The following PGAP6 variants were observed in gnomAD, a reference collection of about 807,000 sequenced individuals.
PGAP6 encodes the protein post-GPI attachment to proteins 6.
A neutral mutation model predicts 68.4 loss-of-function variants in PGAP6; 62 were observed. The ratio of observed to expected loss-of-function variants is 0.91; its 90% confidence interval spans 0.74 to 1.12. PGAP6 has a LOEUF of 1.12. Among genes scored for constraint, PGAP6 ranks in the 50% most tolerant of loss-of-function variants. PGAP6 has a pLI of 0.00. For missense variants in PGAP6, 1,188 were observed against 1,068.5 expected (o/e 1.11, Z -1.56); for synonymous variants, 575 against 474.0 (o/e 1.21, Z -2.77).
In PGAP6 at chr16:376,413, C is replaced by T; in HGVS notation, c.947G>A (p.Ser316Asn). Residue 316 changes from serine (S) to asparagine (N), a missense_variant, in exon 6 of 13, where the codon AGC (serine) becomes AAC (asparagine). By Grantham distance (46) the Ser-to-Asn change is conservative. Transcript: ENST00000431232. ...GGCATTGAAGCTCTGGTTTTGGCTGCTCTGCAGAAGGGGCTGGATGGTCAC... is the reference window on the plus strand; with the variant it reads ...GGCATTGAAGCTCTGGTTTTGGCTGTTCTGCAGAAGGGGCTGGATGGTCAC... ...RSVTIQPLLQ[S>N]SQNQSFNASS... 6.3e-7 allele frequency: 1 copy of T among 1,597,278 alleles called. No homozygotes were observed.
At chr16:380,515 C>G (rs1254716845) in intron 1 of PGAP6, among the ~76,000 whole-genome samples, 1 of 152,030 alleles carries the variant, frequency 6.6e-6, no homozygotes, top group African/African-American at 2.4e-5. Context: ...TACAGGCATG[C>G]GCCACCACTG....
intron 1 of PGAP6, among the ~76,000 whole-genome samples, chr16:381,131 GA>G (rs1471303919): frequency 6.6e-6 from 1 of 152,238 alleles, no homozygotes; most frequent in Non-Finnish European, 1.5e-5. Flanking sequence ...CAAGAGGGGA[GA>G]GGGGCGCCCT....
At position 376,260 on chromosome 16, in the gene PGAP6, T is replaced by A; in HGVS notation, c.1100A>T (p.His367Leu). 6.2e-7 allele frequency: 1 copy of A among 1,612,446 alleles called. No individual in the cohort carries two copies. Among genetic ancestry groups the A allele is most frequent in the South Asian group, 1.1e-5 (1 of 91,050 alleles). ...TREDMDVVSVHFQPLDRVSVR... is the reference protein window; with the variant it reads ...TREDMDVVSVLFQPLDRVSVR... ...CGAGACCCTGTCCAGGGGCTGGAAG[T>A]GCACCGACACCACGTCCATGTCCTC... is the stretch of plus-strand genomic sequence containing the variant. The change falls in exon 6 of 13, where the codon CAC becomes CTC. Residue 367 changes from histidine to leucine, a missense_variant. Transcript: ENST00000431232.
chr16:381,843 C>T lies in PGAP6; in HGVS notation c.-22G>A, dbSNP rs1373435786. On this transcript the variant is annotated 5_prime_UTR_variant, in exon 1 of 13. It removes the in-frame stop codon of an upstream open reading frame in the 5' UTR. Transcript: ENST00000431232. ...CCATGGCTCCGCGCTCGGCCCGGCG[C>T]TACCCGGCCCGCGTCCCGCGCCGCC... is the stretch of plus-strand genomic sequence containing the variant. 6 of 1,004,870 alleles carry T rather than the reference C, an allele frequency of 6.0e-6. No individual in the cohort carries two copies. The highest frequency in any genetic ancestry group is 7.1e-6 in the Non-Finnish European group (6 of 844,168). The allele number at this position is 1,004,870 out of a possible 1,614,324, so 62.2% of individuals were successfully genotyped here.
At chr16:376,009 C>T in intron 6 of PGAP6, 127 bp downstream of exon 6, 1 of 989,248 alleles carries the variant, frequency 1.0e-6, no homozygotes, top group Non-Finnish European at 1.5e-6. Flanking sequence ...GGGCCCCTGT[C>T]TTGGCCCGTG....
At position 376,151 on chromosome 16, in the gene PGAP6, G is replaced by T; in HGVS notation, c.1209C>A (p.Ser403=). ...GMDSGGSLTI[S]LRANKTEMRN... ...CAGCAGGTACCTTGTTGGCCCGCAG[G>T]GAGATGGTGAGGGAACCCCCGCTGT... is the stretch of plus-strand genomic sequence containing the variant. Residue 403 remains serine, a synonymous_variant, in exon 6 of 13, where the codon TCC becomes TCA. Transcript: ENST00000431232. 1.2e-6 allele frequency: 2 copies of T among 1,604,816 alleles called. No individual in the cohort carries two copies. The highest frequency in any genetic ancestry group is 1.7e-6 in the Non-Finnish European group (2 of 1,174,280).
At chr16:373,913 G>A in intron 11 of PGAP6, 92 bp downstream of exon 11, 2 of 1,439,148 alleles carry the variant, frequency 1.4e-6, no homozygotes, top group South Asian at 1.4e-5. Context: ...CCCAACGCCA[G>A]GTCCGGCCTC....
intron 1 of PGAP6, among the ~76,000 whole-genome samples, chr16:381,272 T>C (rs543131494): frequency 1.3e-5 from 2 of 152,298 alleles, no homozygotes; most frequent in South Asian, 4.1e-4. Flanking sequence ...GGGCCCCCGC[T>C]ACAGGGTCTA....
At chr16:386,345 G>C (rs1394142198), upstream of PGAP6, among the ~76,000 whole-genome samples, 1 of 152,068 alleles carries the variant, frequency 6.6e-6, no homozygotes, top group African/African-American at 2.4e-5. Flanking sequence ...CTCTCTCTCT[G>C]TGGACACTCT....
Position 371,625 on chromosome 16 carries a change from A to C in PGAP6, c.*362T>G. The C allele has an allele frequency of 4.6e-6, 1 of 217,104 alleles. No homozygotes were observed. Among genetic ancestry groups the C allele is most frequent in the Non-Finnish European group, 9.2e-6 (1 of 108,548 alleles). The allele number at this position is 217,104 out of a possible 1,614,324, so 13.4% of individuals were successfully genotyped here. ...CCATGGGTCTCACCACAGCCTCGCCAGGGAACAGGACCATAGGGAGTCCTT... is the reference window on the plus strand; with the variant it reads ...CCATGGGTCTCACCACAGCCTCGCCCGGGAACAGGACCATAGGGAGTCCTT... On this transcript the variant is annotated 3_prime_UTR_variant, in exon 13 of 13. Transcript: ENST00000431232.
At chr16:384,888 C>T (rs1356734372), upstream of PGAP6, among the ~76,000 whole-genome samples, 2 of 147,894 alleles carry the variant, frequency 1.4e-5, no homozygotes, top group African/African-American at 5.0e-5. Context: ...AGAGGCCGTA[C>T]GCGGTGGCTA....
rs541217650 is a variant in PGAP6 at position 372,202 on chromosome 16, T to A, written c.2101A>T (p.Met701Leu). 4 of 1,612,624 alleles carry A rather than the reference T, an allele frequency of 2.5e-6. No individual in the cohort carries two copies. In the South Asian group the frequency reaches 4.4e-5, roughly 18 times the overall value. The change falls in exon 13 of 13, where the codon ATG (methionine) becomes TTG (leucine). Residue 701 changes from methionine (M) to leucine (L), a missense_variant. Coordinates refer to ENST00000431232, the MANE Select transcript of PGAP6 (RefSeq NM_021259.3). ...WAFYLLPGVS[M>L]ASVGIAIYTS... ...TAGATGGCGATGCCCACAGAGGCCA[T>A]AGAGACGCCGGGCAGGAGGTAGAAG...
chr16:382,166 G>C (rs1297061406), upstream of PGAP6: 4 of 387,448 alleles, frequency 1.0e-5, no homozygotes, highest in East Asian at 1.5e-4. Context: ...TGGAGGGAGG[G>C]CGCGGGATGG....
chr16:385,114 A>C (rs2054472792), upstream of PGAP6, among the ~76,000 whole-genome samples: 2 of 145,906 alleles, frequency 1.4e-5, no homozygotes, highest in South Asian at 4.6e-4. Flanking sequence ...TGCAGTGAGC[A>C]GGGATCAGGC....
chr16:386,897 CT>C, upstream of PGAP6: 2 of 621,808 alleles, frequency 3.2e-6, no homozygotes, highest in Non-Finnish European at 3.1e-6. Flanking sequence ...CGTCACTCAC[CT>C]TCCAGCGGCC....
chr16:374,401 T>A lies in PGAP6; in HGVS notation c.1577-2A>T. ...CCGTGCAGCTCCACCCACGCCAGCC[T>A]GCGGTCACAAAACCCCGACGCGGAG... On this transcript the variant is annotated splice_acceptor_variant, in intron 9 of 12. Coordinates refer to ENST00000431232, the MANE Select transcript of PGAP6 (RefSeq NM_021259.3). LOFTEE classifies it high-confidence loss of function. 6.4e-7 allele frequency: 1 copy of A among 1,564,904 alleles called. No individual in the cohort carries two copies. The highest frequency in any genetic ancestry group is 8.6e-7 in the Non-Finnish European group (1 of 1,159,916).
At chr16:377,186 G>A (rs1375219262) in intron 3 of PGAP6, 22 bp from the exon 4 acceptor site, 3 of 1,612,510 alleles carry the variant, frequency 1.9e-6, no homozygotes, top group African/African-American at 2.7e-5. Flanking sequence ...ACAGGTGTGG[G>A]CGGGGGCGGT....
rs370754735 is a variant in PGAP6, at chr16:374,276, C to T, written c.1700G>A (p.Arg567Gln). The change falls in exon 10 of 13, where the codon CGG (arginine) becomes CAG (glutamine). Residue 567 changes from arginine (R) to glutamine (Q), a missense_variant. Coordinates refer to ENST00000431232, the MANE Select transcript of PGAP6 (RefSeq NM_021259.3). ...GGAGGCCTCCACCAGGAAGAATCGC[C>T]GCACTGAGACGGCGATGGGGGCCAG... The part of the protein sequence containing the change: ...MFLAPIAVSV[R>Q]RFFLVEASVY... The T allele has an allele frequency of 8.1e-6, 13 of 1,607,326 alleles. No homozygotes were observed. The highest frequency in any genetic ancestry group is 2.7e-5 in the African/African-American group (2 of 74,890).
At position 381,905 on chromosome 16, in the gene PGAP6, C is replaced by G; in HGVS notation, c.-84G>C. On this transcript the variant is annotated 5_prime_UTR_variant, in exon 1 of 13. Transcript: ENST00000431232. ...CCGCCCGGGCAGCCTCTGCCGCCTC[C>G]GCCTCTGCCGCCTCCGCCTCTGCCC... 4 of 181,454 alleles carry G rather than the reference C, an allele frequency of 2.2e-5. No homozygotes were observed. The highest frequency in any genetic ancestry group is 2.6e-5 in the Non-Finnish European group (4 of 152,692). 11.2% of individuals were successfully genotyped at this position (181,454 alleles called of 1,614,324 possible).
Sources: gnomAD v4.1 joint callset for allele counts (sites outside exome capture counted in the v4.1 genomes callset) on GRCh38, gnomAD v4.1.1 for gene constraint, MANE v1.5 for transcripts, NCBI Gene and HGNC (gene_info 2026-07-23, HGNC 2026-07-21) for gene names.